The following EPG5 variants were observed in gnomAD, a reference collection of about 807,000 sequenced individuals.
The protein encoded by EPG5 is ectopic P-granules 5 autophagy tethering factor.
EPG5 carries 159 observed loss-of-function variants against 302.7 expected under a neutral mutation model. The observed-to-expected ratio is 0.53, with a 90% CI of 0.46 to 0.60. The LOEUF is 0.60. EPG5 is among the 20% of genes least tolerant of loss of function. The pLI, the probability that EPG5 is intolerant of heterozygous loss-of-function variation, is 0.00. For synonymous variants in EPG5, 1,158 were observed against 1,136.8 expected, an observed-to-expected ratio of 1.02 and a Z score of -0.37; for missense variants, 2,896 against 3,092.4, an observed-to-expected ratio of 0.94 and a Z score of 1.51.
intron 27 of EPG5, among the ~76,000 whole-genome samples, chr18:45,896,771 T>C (rs183087612): frequency 6.6e-6 from 1 of 152,248 alleles, no homozygotes; most frequent in Non-Finnish European, 1.5e-5. Context: ...GCTGCTGAAC[T>C]CCTGAGCTCA....
At chr18:45,881,244 T>C (rs1392015349) in intron 31 of EPG5, among the ~76,000 whole-genome samples, 2 of 152,214 alleles carry the variant, frequency 1.3e-5, no homozygotes, top group African/African-American at 4.8e-5. Context: ...ATATAAATGG[T>C]TTACAATCTC....
intron 6 of EPG5, among the ~76,000 whole-genome samples, chr18:45,947,029 C>T (rs1022575152): frequency 6.6e-6 from 1 of 152,204 alleles, no homozygotes; most frequent in African/African-American, 2.4e-5. Context: ...GATGCAGGAC[C>T]TCAATACATA....
intron 10 of EPG5, among the ~76,000 whole-genome samples, chr18:45,937,349 TACACATATATATACACAC>T (rs1255039471): frequency 3.0e-4 from 45 of 149,950 alleles, no homozygotes; most frequent in African/African-American, 4.7e-4. Context: ...TATATAGATA[TACACATATATATACACAC>T]ACACATATAT....
chr18:45,920,463 C>T (rs1030144631), intron 16 of EPG5, among the ~76,000 whole-genome samples: 1 of 152,108 alleles, frequency 6.6e-6, no homozygotes, highest in Non-Finnish European at 1.5e-5. Flanking sequence ...ATACCTGAGA[C>T]TGGGCAATTA....
rs115183095 is a variant in EPG5 at position 45,943,606 on chromosome 18, C to T, written c.1793-295G>A. 9.8e-3 allele frequency among the ~76,000 whole-genome samples: 1,486 copies of T among 152,212 alleles called. 27 individuals are homozygous for T. Among genetic ancestry groups the T allele is most frequent in the African/African-American group, 0.035 (1,433 of 41,536 alleles). Reference sequence around the variant, plus strand: ...GCCTAGAACAGCTAGGCACAAGAAACCCGAGTTGGAGCCTACACAAGAAGT... The same window carrying T: ...GCCTAGAACAGCTAGGCACAAGAAATCCGAGTTGGAGCCTACACAAGAAGT... On this transcript the variant is annotated intron_variant, in intron 8 of 43. Transcript: ENST00000282041.
chr18:45,884,896 AT>A (rs2049185098), intron 29 of EPG5, 85 bp from the exon 30 acceptor site: 1 of 887,354 alleles, frequency 1.1e-6, no homozygotes, highest in East Asian at 3.2e-5. Flanking sequence ...GGGGCACCAA[AT>A]AAGGTGAATA....
At chr18:45,959,289 C>T (rs777087742) in intron 1 of EPG5, among the ~76,000 whole-genome samples, 28 of 151,572 alleles carry the variant, frequency 1.8e-4, no homozygotes, top group East Asian at 1.2e-3. Context: ...TGCAGTGAGC[C>T]GAGATCTGGC....
intron 9 of EPG5, among the ~76,000 whole-genome samples, chr18:45,940,204 G>T (rs951398499): frequency 6.6e-6 from 1 of 152,176 alleles, no homozygotes; most frequent in South Asian, 2.1e-4. Flanking sequence ...ATGCAAAAGC[G>T]CCGAGGGGTG....
At chr18:45,892,823 A>G (rs1461483465) in intron 27 of EPG5, among the ~76,000 whole-genome samples, 1 of 152,252 alleles carries the variant, frequency 6.6e-6, no homozygotes, top group Non-Finnish European at 1.5e-5. Flanking sequence ...ATTAAGGAAT[A>G]AAATATTTTC....
intron 27 of EPG5, among the ~76,000 whole-genome samples, chr18:45,895,286 G>A (rs1599514309): frequency 6.6e-6 from 1 of 151,994 alleles, no homozygotes; most frequent in Admixed American, 6.6e-5. Context: ...GGTATTTGTG[G>A]AACATTCAGG....
chr18:45,859,161 G>T (rs1213117746), intron 40 of EPG5, among the ~76,000 whole-genome samples: 3 of 152,220 alleles, frequency 2.0e-5, no homozygotes, highest in Non-Finnish European at 4.4e-5. Context: ...CCCTTTTTAA[G>T]AACATATGAA....
chr18:45,861,459 C>T lies in EPG5; in HGVS notation c.6767-1113G>A, dbSNP rs116468378. On this transcript the variant is annotated intron_variant, in intron 39 of 43. Coordinates refer to ENST00000282041, the MANE Select transcript of EPG5 (RefSeq NM_020964.3). ...ATCAACAGGGCTCTCAAATCTTTTC[C>T]TAAATACCATATCTGATCCTATCAC... Among the ~76,000 whole-genome samples the T allele has an allele frequency of 5.2e-3, 797 of 152,296 alleles. 4 individuals are homozygous for T. Among genetic ancestry groups the T allele is most frequent in the Middle Eastern group, 0.02 (6 of 294 alleles).
intron 12 of EPG5, among the ~76,000 whole-genome samples, chr18:45,929,434 T>C (rs60201425): frequency 0.019 from 2,885 of 152,344 alleles, 107 homozygotes; most frequent in African/African-American, 0.066. Flanking sequence ...TACCAACTCC[T>C]TTTGAATTAT....
At chr18:45,942,976 G>A (rs1050464837) in intron 9 of EPG5, among the ~76,000 whole-genome samples, 185 bp downstream of exon 9, 2 of 152,086 alleles carry the variant, frequency 1.3e-5, no homozygotes, top group Non-Finnish European at 2.9e-5. Context: ...GATAATTAAC[G>A]AAATACTCTA....
At chr18:45,841,714 G>A in the EPG5 span, among the ~76,000 whole-genome samples, 21,047 of 152,168 alleles carry the variant, frequency 0.14, 1,999 homozygotes, top group East Asian at 0.34. Flanking sequence ...AAGAGGAGAA[G>A]AGAGTGGGGC....
rs772095809 is a variant in EPG5, at chr18:45,880,120, G to A, written c.5622C>T (p.Gly1874=). The change falls in exon 32 of 44, where the codon GGC becomes GGT. Residue 1874 remains glycine (G), a synonymous_variant. Coordinates refer to ENST00000282041, the MANE Select transcript of EPG5 (RefSeq NM_020964.3). ...CATCAGAAGAGCTGGGAAGCACGGCGCCCTCGGTGGACGCTGCCCCCTGCT... is the reference window on the plus strand; with the variant it reads ...CATCAGAAGAGCTGGGAAGCACGGCACCCTCGGTGGACGCTGCCCCCTGCT... ...SCQQGAASTE[G]AVLPSSSDAL... 12 of 1,610,728 alleles carry A rather than the reference G, an allele frequency of 7.5e-6. No individual in the cohort carries two copies. Among genetic ancestry groups the A allele is most frequent in the Non-Finnish European group, 1.0e-5 (12 of 1,177,804 alleles).
the EPG5 span, among the ~76,000 whole-genome samples, chr18:45,806,327 G>A: frequency 6.6e-6 from 1 of 152,128 alleles, no homozygotes; most frequent in South Asian, 2.1e-4. Context: ...AAAGATAAGG[G>A]GATCATGGTG....
Position 45,867,539 on chromosome 18 carries a change from T to C in EPG5, c.6411+24A>G, listed in dbSNP as rs114204173. 6.1e-4 allele frequency: 976 copies of C among 1,606,528 alleles called. 3 individuals are homozygous for C. In the African/African-American group the frequency reaches 0.012, roughly 19 times the overall value. The stretch of plus-strand genomic sequence containing the variant: ...AGATCTAAGCAGCCTTGCCGAATTT[T>C]TGCCATAAGCTTCCCAAACTTACTG... On this transcript the variant is annotated intron_variant, in intron 37 of 43. Transcript: ENST00000282041.
Position 45,884,306 on chromosome 18 carries a change from C to G in EPG5, c.5304+311G>C, listed in dbSNP as rs553299284. Among the ~76,000 whole-genome samples the G allele has an allele frequency of 1.2e-3, 185 of 152,296 alleles. 3 individuals are homozygous for G. The highest frequency in any genetic ancestry group is 2.2e-3 in the Non-Finnish European group (147 of 68,022). ...CATGCTCCATCTAATGCCTGATGATCTGAGGTGGAACAGTTTCATCCCAAA... is the reference window on the plus strand; with the variant it reads ...CATGCTCCATCTAATGCCTGATGATGTGAGGTGGAACAGTTTCATCCCAAA... On this transcript the variant is annotated intron_variant, in intron 30 of 43. Transcript: ENST00000282041.
Sources: gnomAD v4.1 joint callset for allele counts (sites outside exome capture counted in the v4.1 genomes callset) on GRCh38, gnomAD v4.1.1 for gene constraint, MANE v1.5 for transcripts, NCBI Gene and HGNC (gene_info 2026-07-23, HGNC 2026-07-21) for gene names.